The following ABCA13 variants were observed in gnomAD, a reference collection of about 807,000 sequenced individuals.
The protein encoded by ABCA13 is ATP binding cassette subfamily A member 13.
In ABCA13, 476 loss-of-function variants were observed where a neutral mutation model predicts 478.7. That is an observed-to-expected ratio of 0.99 (90% confidence interval 0.92 to 1.07). The LOEUF is 1.07. ABCA13 is among the 50% of genes least tolerant of loss of function. The pLI, the probability that ABCA13 is intolerant of heterozygous loss-of-function variation, is 0.00. For missense variants in ABCA13, 6,060 were observed against 5,910.6 expected, an observed-to-expected ratio of 1.03 and a Z score of -0.83; for synonymous variants, 2,252 against 2,158.9, an observed-to-expected ratio of 1.04 and a Z score of -1.20.
intron 1 of ABCA13, 106 bp downstream of exon 1, chr7:48,171,658 A>C: frequency 8.0e-7 from 1 of 1,244,472 alleles, no homozygotes; most frequent in South Asian, 1.3e-5. Context: ...AAAAACACTC[A>C]TGCTGCAGGG....
At chr7:48,401,947 T>C (rs1817672307) in intron 38 of ABCA13, among the ~76,000 whole-genome samples, 1 of 152,192 alleles carries the variant, frequency 6.6e-6, no homozygotes, top group South Asian at 2.1e-4. Context: ...CCAGCTTCTT[T>C]GCATAAATTT....
At chr7:48,336,970 G>T (rs570868868) in intron 28 of ABCA13, among the ~76,000 whole-genome samples, 2 of 152,280 alleles carry the variant, frequency 1.3e-5, no homozygotes, top group African/African-American at 4.8e-5. Context: ...ATAAAACAGT[G>T]CCTAACTCGG....
chr7:48,219,421 C>G lies in ABCA13; in HGVS notation c.355C>G (p.Gln119Glu). The change falls in exon 4 of 62, where the codon CAA becomes GAA. Residue 119 changes from glutamine (Q) to glutamate (E), a missense_variant. Around this residue, in one of 3 missense-constraint regions of ABCA13, gnomAD observed 4,423 missense variants for 4,309.1 expected, o/e 1.03. Transcript: ENST00000435803. ...CAACCTGGCCTTTTTAAAAGAGATA[C>G]AAGACCTGGCAGAGGAAATTCATGG... ...VNNLAFLKEI[Q>E]DLAEEIHGMM... 1.2e-6 allele frequency: 2 copies of G among 1,613,236 alleles called. No individual in the cohort carries two copies. The highest frequency in any genetic ancestry group is 1.7e-6 in the Non-Finnish European group (2 of 1,179,576).
Position 48,272,830 on chromosome 7 carries a change from TG to T in ABCA13, c.3166del (p.Glu1056LysfsTer2). 3.7e-6 allele frequency: 6 copies of T among 1,607,024 alleles called. No homozygotes were observed. The highest frequency in any genetic ancestry group is 4.3e-6 in the Non-Finnish European group (5 of 1,175,834). On this transcript the variant is annotated frameshift_variant, in exon 17 of 62. Transcript: ENST00000435803. LOFTEE classifies it high-confidence loss of function. ...TTCATGTCTACAGAGGGCCAAGAAC[TG>T]GAAGTGATCCACACTACTTTGACAG... ...QSFMSTEGQELEVIHTTLTGL... is the reference protein window; with the variant it reads ...QSFMSTEGQEXEVIHTTLTGL...
chr7:48,381,689 A>T (rs567922589), intron 35 of ABCA13, among the ~76,000 whole-genome samples: 6 of 152,126 alleles, frequency 3.9e-5, no homozygotes, highest in African/African-American at 1.4e-4. Context: ...GTCTAATTTC[A>T]TTGACCTCTT....
intron 21 of ABCA13, among the ~76,000 whole-genome samples, chr7:48,296,846 A>G (rs919235254): frequency 6.6e-6 from 1 of 152,218 alleles, no homozygotes; most frequent in Admixed American, 6.5e-5. Context: ...GAAATAAGGA[A>G]CTTTAAATTC....
intron 59 of ABCA13, among the ~76,000 whole-genome samples, chr7:48,641,264 G>A (rs116379374): frequency 0.016 from 2,387 of 152,204 alleles, 54 homozygotes; most frequent in African/African-American, 0.053. Context: ...TCATACCATT[G>A]TATTTTTATA....
Position 48,221,267 on chromosome 7 carries a change from C to G in ABCA13, c.440-14C>G. 8.9e-7 allele frequency: 1 copy of G among 1,121,636 alleles called. No homozygotes were observed. The highest frequency in any genetic ancestry group is 2.7e-5 in the East Asian group (1 of 37,228). 69.5% of individuals were successfully genotyped at this position (1,121,636 alleles called of 1,614,324 possible). ...ATGATTGAACTAATATCTCTTAAAC[C>G]TTCTTTATTATAGATTCTTCTTATG... On this transcript the variant is annotated splice_polypyrimidine_tract_variant and intron_variant, in intron 4 of 61. Coordinates refer to ENST00000435803, the MANE Select transcript of ABCA13 (RefSeq NM_152701.5).
At position 48,466,945 on chromosome 7, in the gene ABCA13, A is replaced by G; in HGVS notation, c.12816-11A>G. 1.2e-6 allele frequency: 2 copies of G among 1,613,826 alleles called. No homozygotes were observed. Among genetic ancestry groups the G allele is most frequent in the Non-Finnish European group, 1.7e-6 (2 of 1,179,756 alleles). On this transcript the variant is annotated splice_polypyrimidine_tract_variant and intron_variant, in intron 43 of 61. Coordinates refer to ENST00000435803, the MANE Select transcript of ABCA13 (RefSeq NM_152701.5). ...CCCACTTTGTTTCCTTTGTCTCACA[A>G]TGAACAGCAGCAGTGGGGGCGACAA...
chr7:48,645,547 G>C lies in ABCA13; in HGVS notation c.*35G>C. On this transcript the variant is annotated 3_prime_UTR_variant, in exon 62 of 62. Transcript: ENST00000435803. ...AAGTTTCCATAAGGAATAAAACCTT[G>C]TCTTCCATTACAATTAACAGTCAAG... is the stretch of plus-strand genomic sequence containing the variant. 2.7e-6 allele frequency: 4 copies of C among 1,505,854 alleles called. No individual in the cohort carries two copies. Among genetic ancestry groups the C allele is most frequent in the Non-Finnish European group, 3.6e-6 (4 of 1,105,136 alleles). 93.3% of individuals were successfully genotyped at this position (1,505,854 alleles called of 1,614,324 possible). A position where few individuals can be genotyped will look rare whatever the true frequency, so the allele number is the denominator to read the frequency against.
chr7:48,411,422 C>T (rs1218164005), intron 40 of ABCA13, among the ~76,000 whole-genome samples: 1 of 151,842 alleles, frequency 6.6e-6, no homozygotes, highest in Admixed American at 6.6e-5. Context: ...ATTCTCCTGC[C>T]TCAGCCTCCC....
intron 55 of ABCA13, among the ~76,000 whole-genome samples, chr7:48,536,770 A>G (rs962820366): frequency 6.6e-6 from 1 of 152,086 alleles, no homozygotes; most frequent in African/African-American, 2.4e-5. Context: ...TTAGCTTTCC[A>G]TAATAAATTT....
chr7:48,359,748 A>C (rs908828091), intron 31 of ABCA13, among the ~76,000 whole-genome samples: 1 of 151,952 alleles, frequency 6.6e-6, no homozygotes, highest in Non-Finnish European at 1.5e-5. Context: ...AAAACAAAAA[A>C]CAGACAACAA....
At chr7:48,513,594 G>A (rs7793028) in intron 51 of ABCA13, among the ~76,000 whole-genome samples, 10,082 of 152,158 alleles carry the variant, frequency 0.066, 413 homozygotes, top group African/African-American at 0.11. Flanking sequence ...GGAAGCGGCC[G>A]ATTTTCAAAA....
At chr7:48,607,656 T>C (rs2131523369) in intron 58 of ABCA13, among the ~76,000 whole-genome samples, 1 of 152,318 alleles carries the variant, frequency 6.6e-6, no homozygotes, top group Admixed American at 6.5e-5. Context: ...GGGGAGAAAC[T>C]TTCTTGTTTC....
At chr7:48,412,684 G>A in intron 41 of ABCA13, 101 bp downstream of exon 41, 1 of 768,272 alleles carries the variant, frequency 1.3e-6, no homozygotes, top group Non-Finnish European at 1.9e-6. Context: ...GTGGGTAAGG[G>A]GGAGGAGTGT....
chr7:48,352,886 G>A (rs1180610641), intron 31 of ABCA13, among the ~76,000 whole-genome samples: 1 of 151,942 alleles, frequency 6.6e-6, no homozygotes, highest in Non-Finnish European at 1.5e-5. Flanking sequence ...TACTGGACAG[G>A]GTGGTGAAGG....
chr7:48,191,183 C>A (rs1325551820), intron 1 of ABCA13, among the ~76,000 whole-genome samples: 1 of 152,112 alleles, frequency 6.6e-6, no homozygotes, highest in Non-Finnish European at 1.5e-5. Flanking sequence ...AAAGAATGAC[C>A]AAAATGACTT....
intron 15 of ABCA13, 124 bp downstream of exon 15, chr7:48,249,475 C>A: frequency 8.0e-7 from 1 of 1,253,464 alleles, no homozygotes; most frequent in Non-Finnish European, 1.1e-6. Context: ...TCTCCAAGCA[C>A]AATTTGGCAT....
Sources: gnomAD v4.1 joint callset for allele counts (sites outside exome capture counted in the v4.1 genomes callset) on GRCh38, gnomAD v4.1.1 for gene constraint, gnomAD v4.1.1 regional missense constraint, MANE v1.5 for transcripts, NCBI Gene and HGNC (gene_info 2026-07-23, HGNC 2026-07-21) for gene names.